Variants in GNG7 observed in about 807,000 individuals in gnomAD.
GNG7 encodes the protein guanine nucleotide-binding protein G(I)/G(S)/G(O) subunit gamma-7.
In GNG7, 1 loss-of-function variant was observed where a neutral mutation model predicts 4.0. The observed-to-expected ratio is 0.25, with a 90% confidence interval of 0.09 to 1.18. GNG7 has a LOEUF of 1.18. Among genes scored for constraint, GNG7 ranks in the 50% most tolerant of loss-of-function variants. The pLI is 0.50. For missense variants in GNG7, 86 were observed against 91.9 expected (o/e 0.94, Z 0.26); for synonymous variants, 34 against 36.9 (o/e 0.92, Z 0.29).
intron 1 of GNG7, among the ~76,000 whole-genome samples, chr19:2,680,173 A>G (rs1983695741): frequency 7.3e-6 from 1 of 136,676 alleles, no homozygotes; most frequent in African/African-American, 2.8e-5. Flanking sequence ...TTTGAGACAG[A>G]GTCTCGCTCT....
Position 2,646,263 on chromosome 19 carries a change from G to A in GNG7, c.-117C>T, listed in dbSNP as rs763963253. The A allele has an allele frequency of 2.6e-5, 4 of 152,176 alleles. No individual in the cohort carries two copies. The highest frequency in any genetic ancestry group is 4.4e-5 in the Non-Finnish European group (3 of 68,060). 9.4% of individuals were successfully genotyped at this position (152,176 alleles called of 1,614,324 possible). Reference sequence around the variant, plus strand: ...TCGCCGTCTGCAGCACCGAGATCCCGAAACCAAGCTCCACTCCCTGGAAAA... The same window carrying A: ...TCGCCGTCTGCAGCACCGAGATCCCAAAACCAAGCTCCACTCCCTGGAAAA... On this transcript the variant is annotated 5_prime_UTR_variant, in exon 2 of 5. Coordinates refer to ENST00000382159, the MANE Select transcript of GNG7 (RefSeq NM_052847.3).
chr19:2,578,862 G>A (rs888590318), intron 2 of GNG7, among the ~76,000 whole-genome samples: 11 of 152,228 alleles, frequency 7.2e-5, no homozygotes, highest in African/African-American at 2.7e-4. Context: ...GCTGGGAAGG[G>A]GTGGATCGGG....
intron 2 of GNG7, among the ~76,000 whole-genome samples, chr19:2,569,368 T>C (rs531468976): frequency 2.0e-5 from 3 of 152,204 alleles, no homozygotes; most frequent in Admixed American, 6.5e-5. Context: ...CTCCGCCTCC[T>C]GGGTTGACAC....
At chr19:2,638,010 A>G (rs575430224) in intron 2 of GNG7, among the ~76,000 whole-genome samples, 4 of 152,026 alleles carry the variant, frequency 2.6e-5, no homozygotes, top group South Asian at 2.1e-4. Flanking sequence ...GATTTACACC[A>G]TCTGCCCCAT....
intron 2 of GNG7, among the ~76,000 whole-genome samples, chr19:2,602,916 TCTTTCTTTTTGTTTCTTC>T: frequency 6.7e-6 from 1 of 149,494 alleles, no homozygotes. Context: ...TTTCTTTCTT[TCTTTCTTTTTGTTTCTTC>T]CTTTCTTCCT....
chr19:2,584,574 G>A (rs1980589940), intron 2 of GNG7, among the ~76,000 whole-genome samples: 1 of 147,366 alleles, frequency 6.8e-6, no homozygotes, highest in Non-Finnish European at 1.5e-5. Context: ...TCCAGCCTGG[G>A]CGACAGGGCA....
intron 2 of GNG7, among the ~76,000 whole-genome samples, chr19:2,635,722 G>A (rs1982290491): frequency 1.3e-5 from 2 of 152,034 alleles, no homozygotes; most frequent in South Asian, 4.2e-4. Flanking sequence ...AGCTGGGATT[G>A]CAGGCGCCCG....
intron 1 of GNG7, among the ~76,000 whole-genome samples, chr19:2,651,222 G>GACTT (rs1982803186): frequency 6.9e-6 from 1 of 145,838 alleles, no homozygotes; most frequent in Non-Finnish European, 1.5e-5. Context: ...ATCTCTGTCC[G>GACTT]ACTTCCTTCC....
chr19:2,557,189 GTGCACACACATTTGCA>G lies in GNG7; in HGVS notation c.-77-2017_-77-2002del, dbSNP rs1286374149. Among the ~76,000 whole-genome samples, 2 of 150,490 alleles carry G rather than the reference GTGCACACACATTTGCA, an allele frequency of 1.3e-5. No homozygotes were observed. The highest frequency in any genetic ancestry group is 2.1e-4 in the South Asian group (1 of 4,766). ...GCGCACACACGTACACACAAGACAC[GTGCACACACATTTGCA>G]TGCACACACAGACACACATGCACAC... is the stretch of plus-strand genomic sequence containing the variant. On this transcript the variant is annotated intron_variant, in intron 2 of 4. Coordinates refer to ENST00000382159, the MANE Select transcript of GNG7 (RefSeq NM_052847.3). This position sits in a 1 kb window ranked among gnomAD's most constrained non-coding sequence, Gnocchi z 5.1.
At chr19:2,573,963 T>C (rs531887317) in intron 2 of GNG7, among the ~76,000 whole-genome samples, 131 of 152,340 alleles carry the variant, frequency 8.6e-4, no homozygotes, top group African/African-American at 3.0e-3. Context: ...GGACATACCG[T>C]GGGTGCCACG....
intron 1 of GNG7, among the ~76,000 whole-genome samples, chr19:2,659,438 A>T (rs1284758136): frequency 6.6e-6 from 1 of 150,744 alleles, no homozygotes; most frequent in Non-Finnish European, 1.5e-5. Context: ...AAAAATACAA[A>T]AATTAGCCAG....
At chr19:2,649,617 T>G (rs1007382893) in intron 1 of GNG7, among the ~76,000 whole-genome samples, 1 of 152,080 alleles carries the variant, frequency 6.6e-6, no homozygotes, top group Middle Eastern at 3.4e-3. Flanking sequence ...CTTGAGCCCC[T>G]GACCTCATGA....
Position 2,636,954 on chromosome 19 carries a change from C to A in GNG7, c.-78+9270G>T, listed in dbSNP as rs77221917. 2.7e-3 allele frequency among the ~76,000 whole-genome samples: 407 copies of A among 151,252 alleles called. 1 individual carries two copies. Among genetic ancestry groups the A allele is most frequent in the Non-Finnish European group, 4.9e-3 (328 of 67,520 alleles). ...TCTGCACCTCCGTCCCCACTTGTGC[C>A]CACCTGCGCCCACCTGCACTTCCGT... On this transcript the variant is annotated intron_variant, in intron 2 of 4. Transcript: ENST00000382159.
chr19:2,554,096 G>A (rs1369977813), intron 3 of GNG7, among the ~76,000 whole-genome samples: 1 of 144,382 alleles, frequency 6.9e-6, no homozygotes, highest in East Asian at 2.0e-4. Flanking sequence ...TTGAACCCAG[G>A]AGTTCAAGAT....
chr19:2,678,523 C>T (rs72978791), intron 1 of GNG7, among the ~76,000 whole-genome samples: 1 of 152,080 alleles, frequency 6.6e-6, no homozygotes, highest in Non-Finnish European at 1.5e-5. Context: ...GTACACAGGT[C>T]ACACTTGGCT....
chr19:2,649,669 T>C (rs1982758923), intron 1 of GNG7, among the ~76,000 whole-genome samples: 1 of 152,106 alleles, frequency 6.6e-6, no homozygotes. Flanking sequence ...ATTACAGGCG[T>C]GAGCCACCGC....
At chr19:2,670,009 CAAAA>C (rs796312127) in intron 1 of GNG7, among the ~76,000 whole-genome samples, 2 of 78,072 alleles carry the variant, frequency 2.6e-5, no homozygotes, top group Admixed American at 2.7e-4. Context: ...GACTCTGTCT[CAAAA>C]AAAAAAAAAA....
In GNG7 at chr19:2,667,278, C is replaced by T. The variant is rs994762195; in HGVS notation, c.-134-20998G>A. Among the ~76,000 whole-genome samples the T allele has an allele frequency of 1.6e-4, 25 of 152,130 alleles. 1 individual carries two copies. The highest frequency in any genetic ancestry group is 7.4e-5 in the Non-Finnish European group (5 of 68,020). On this transcript the variant is annotated intron_variant, in intron 1 of 4. Coordinates refer to ENST00000382159, the MANE Select transcript of GNG7 (RefSeq NM_052847.3). ...CGGAGGTTGCAGTGAGCAGAGATCA[C>T]GCCACTGCAACCCAGCCTGGGCCAC...
At chr19:2,519,253 T>A (rs1434922417) in intron 4 of GNG7, among the ~76,000 whole-genome samples, 2 of 147,434 alleles carry the variant, frequency 1.4e-5, no homozygotes, top group Non-Finnish European at 3.0e-5. Context: ...CAGGTTCAAG[T>A]GATTCTCCTG....
Sources: allele counts gnomAD v4.1 joint callset (sites outside exome capture counted in the v4.1 genomes callset), GRCh38; gene constraint gnomAD v4.1.1; non-coding constraint Gnocchi (gnomAD v3.1); transcripts MANE v1.5; gene names NCBI Gene and HGNC (gene_info 2026-07-23, HGNC 2026-07-21).